Variants in MDFIC2 observed in about 807,000 individuals in gnomAD.
MDFIC2 encodes the protein MyoD family inhibitor domain containing 2.
In MDFIC2 at chr3:70,290,532, C is replaced by G. The variant is rs545797841; in HGVS notation, c.88+21354G>C. On this transcript the variant is annotated intron_variant, in intron 2 of 3. Transcript: ENST00000567252. ...CTTTTTGTTTGTCTGTGCCCTGCCCCCAGAGGTGGAGCCTACAGAGGCAGG... is the reference window on the plus strand; with the variant it reads ...CTTTTTGTTTGTCTGTGCCCTGCCCGCAGAGGTGGAGCCTACAGAGGCAGG... 1.4e-4 allele frequency among the ~76,000 whole-genome samples: 22 copies of G among 152,332 alleles called. No homozygotes were observed. The South Asian group carries it at 2.7e-3, about 19-fold the overall frequency.
intron 2 of MDFIC2, among the ~76,000 whole-genome samples, chr3:70,236,569 G>A (rs2106749063): frequency 6.6e-6 from 1 of 152,048 alleles, no homozygotes; most frequent in African/African-American, 2.4e-5. Context: ...CTCCTTTTGG[G>A]GCCTGTAAAT....
intron 2 of MDFIC2, among the ~76,000 whole-genome samples, chr3:70,225,887 G>C (rs1242771047): frequency 2.0e-5 from 3 of 152,124 alleles, no homozygotes; most frequent in Non-Finnish European, 4.4e-5. Flanking sequence ...GCCTCTGAGG[G>C]CTTAAGAATT....
chr3:70,217,631 C>T (rs1701427750), intron 2 of MDFIC2, among the ~76,000 whole-genome samples: 2 of 152,136 alleles, frequency 1.3e-5, no homozygotes, highest in Non-Finnish European at 1.5e-5. Context: ...AAGGTGTTTT[C>T]ATATCCACCA....
At chr3:70,267,904 G>T (rs552883362) in intron 2 of MDFIC2, among the ~76,000 whole-genome samples, 1 of 151,846 alleles carries the variant, frequency 6.6e-6, no homozygotes, top group African/African-American at 2.4e-5. Flanking sequence ...TTTGAGCCAA[G>T]GTCCCAGTTT....
intron 2 of MDFIC2, among the ~76,000 whole-genome samples, chr3:70,308,534 A>G (rs1702424724): frequency 6.6e-6 from 1 of 152,142 alleles, no homozygotes. Context: ...CTTTGACACC[A>G]CCACTGATGT....
rs1354389971 is a variant in MDFIC2 at position 70,195,038 on chromosome 3, G to T, written c.*1888C>A. Among the ~76,000 whole-genome samples the T allele has an allele frequency of 6.6e-6, 1 of 152,190 alleles. No individual in the cohort carries two copies. The highest frequency in any genetic ancestry group is 1.5e-5 in the Non-Finnish European group (1 of 68,044). On this transcript the variant is annotated 3_prime_UTR_variant, in exon 4 of 4. Transcript: ENST00000567252. Reference sequence around the variant, plus strand: ...CACCACTGAGTACCAGCTGGACTGAGAATTGGGTAGTGCAGGTAGTCAGAA... The same window carrying T: ...CACCACTGAGTACCAGCTGGACTGATAATTGGGTAGTGCAGGTAGTCAGAA...
intron 2 of MDFIC2, among the ~76,000 whole-genome samples, chr3:70,245,080 G>T (rs772234209): frequency 3.3e-5 from 5 of 152,126 alleles, no homozygotes; most frequent in African/African-American, 1.2e-4. Context: ...TTTTGAAGAG[G>T]AGAAGTCATT....
chr3:70,213,682 A>G (rs895120060), intron 2 of MDFIC2, among the ~76,000 whole-genome samples: 12 of 152,122 alleles, frequency 7.9e-5, no homozygotes, highest in Non-Finnish European at 1.3e-4. Flanking sequence ...TGTGAAGTTC[A>G]TTCAAATGTT....
rs145391729 is a variant in MDFIC2, at chr3:70,207,872, A to C, written c.89-1082T>G. ...TGGAACCAGTTCCCCTCAGACACTG[A>C]GGGACAACTGTATGCATTCTCCTGC... On this transcript the variant is annotated intron_variant, in intron 2 of 3. Transcript: ENST00000567252. 3.4e-4 allele frequency among the ~76,000 whole-genome samples: 52 copies of C among 152,112 alleles called. No individual in the cohort carries two copies. In the East Asian group the frequency reaches 6.4e-3, roughly 19 times the overall value.
chr3:70,262,659 C>T (rs969743765), intron 2 of MDFIC2, among the ~76,000 whole-genome samples: 7 of 152,136 alleles, frequency 4.6e-5, no homozygotes, highest in Non-Finnish European at 8.8e-5. Context: ...AAATTTTACA[C>T]TTGTGTCACA....
chr3:70,234,849 CTCT>C (rs750938510), intron 2 of MDFIC2, among the ~76,000 whole-genome samples: 1 of 152,142 alleles, frequency 6.6e-6, no homozygotes, highest in Non-Finnish European at 1.5e-5. Context: ...GGAATGCCTC[CTCT>C]TCTTCTCACT....
chr3:70,252,573 G>A (rs1056274474), intron 2 of MDFIC2, among the ~76,000 whole-genome samples: 3 of 152,144 alleles, frequency 2.0e-5, no homozygotes, highest in African/African-American at 7.2e-5. Context: ...AATAAAGTGG[G>A]CCAGATAACA....
chr3:70,217,159 A>G (rs1378199037), intron 2 of MDFIC2, among the ~76,000 whole-genome samples: 1 of 152,128 alleles, frequency 6.6e-6, no homozygotes, highest in African/African-American at 2.4e-5. Context: ...ATTAACTGCT[A>G]TATCCTAAAA....
chr3:70,274,525 T>A (rs892759634), intron 2 of MDFIC2, among the ~76,000 whole-genome samples: 4 of 152,118 alleles, frequency 2.6e-5, no homozygotes, highest in Non-Finnish European at 5.9e-5. Flanking sequence ...AACTTCCAAA[T>A]TGAACAGAAA....
intron 2 of MDFIC2, among the ~76,000 whole-genome samples, chr3:70,252,242 T>C (rs1701776158): frequency 1.3e-5 from 2 of 152,204 alleles, no homozygotes; most frequent in Admixed American, 6.5e-5. Context: ...TTCAGTGGAA[T>C]TCTTATCCAA....
At position 70,246,502 on chromosome 3, in the gene MDFIC2, A is replaced by G. The variant is rs1701709264; in HGVS notation, c.89-39712T>C. ...GATGGGCATCACTATACATAGGGCT[A>G]TCAGACTTATCAAACAGAAACACGA... On this transcript the variant is annotated intron_variant, in intron 2 of 3. Transcript: ENST00000567252. 2.0e-5 allele frequency among the ~76,000 whole-genome samples: 3 copies of G among 152,206 alleles called. No individual in the cohort carries two copies. The South Asian group carries it at 6.2e-4, about 32-fold the overall frequency.
chr3:70,244,014 C>T (rs569685931), intron 2 of MDFIC2, among the ~76,000 whole-genome samples: 8 of 152,152 alleles, frequency 5.3e-5, no homozygotes, highest in South Asian at 2.1e-4. Context: ...CTCCCCTCTA[C>T]GCAACTTGAC....
At chr3:70,309,667 C>A (rs189872333) in intron 2 of MDFIC2, among the ~76,000 whole-genome samples, 24 of 152,200 alleles carry the variant, frequency 1.6e-4, no homozygotes, top group African/African-American at 5.5e-4. Flanking sequence ...AACCCATATA[C>A]TTTTTCTTAA....
rs1327121114 is a variant in MDFIC2, at chr3:70,290,044, C to A, written c.88+21842G>T. ...CTCAGAGTAATTTGATCGTCTGAAG[C>A]CTTCTTCTCTCAGCTCGTCAAAGTC... On this transcript the variant is annotated intron_variant, in intron 2 of 3. Coordinates refer to ENST00000567252, the MANE Select transcript of MDFIC2 (RefSeq NM_001364677.1). Among the ~76,000 whole-genome samples, 4 of 152,294 alleles carry A rather than the reference C, an allele frequency of 2.6e-5. No homozygotes were observed. In the East Asian group the frequency reaches 7.7e-4, roughly 29 times the overall value.
Sources: allele counts gnomAD v4.1 joint callset (sites outside exome capture counted in the v4.1 genomes callset), GRCh38; gene constraint gnomAD v4.1.1; transcripts MANE v1.5; gene names NCBI Gene and HGNC (gene_info 2026-07-23, HGNC 2026-07-21).